MSH4: variants seen among roughly 807,000 people sequenced by gnomAD.
MSH4 encodes the protein mutS homolog 4.
A neutral mutation model predicts 113.7 loss-of-function variants in MSH4; 106 were observed. The observed-to-expected ratio is 0.93, with a 90% CI of 0.80 to 1.10. The LOEUF is 1.10. MSH4 is among the 50% of genes least tolerant of loss of function. The pLI is 0.00. For synonymous variants in MSH4, 368 were observed against 380.2 expected, an observed-to-expected ratio of 0.97 and a Z score of 0.37; for missense variants, 1,061 against 1,093.7, an observed-to-expected ratio of 0.97 and a Z score of 0.42.
intron 17 of MSH4, among the ~76,000 whole-genome samples, chr1:75,894,278 G>A (rs570922232): frequency 3.9e-5 from 6 of 152,300 alleles, no homozygotes; most frequent in African/African-American, 1.4e-4. Context: ...GTAATGGGAA[G>A]CAGAGTTAAA....
intron 7 of MSH4, among the ~76,000 whole-genome samples, chr1:75,840,930 A>G (rs1299993046): frequency 1.3e-5 from 2 of 152,182 alleles, no homozygotes; most frequent in South Asian, 2.1e-4. Context: ...GGATAAAGAC[A>G]GAATCCAGAT....
intron 7 of MSH4, among the ~76,000 whole-genome samples, chr1:75,846,622 G>A (rs994163418): frequency 6.6e-6 from 1 of 152,176 alleles, no homozygotes; most frequent in Non-Finnish European, 1.5e-5. Flanking sequence ...GTCCTCATCA[G>A]AATGGCCTTT....
intron 1 of MSH4, 46 bp downstream of exon 1, chr1:75,797,275 G>A (rs1649838163): frequency 5.1e-6 from 8 of 1,566,798 alleles, no homozygotes; most frequent in African/African-American, 1.3e-5. Context: ...CTAGAGGCCG[G>A]CAGTTCATGG....
chr1:75,810,557 A>G (rs1254189735), intron 3 of MSH4, 140 bp from the exon 4 acceptor site: 2 of 401,016 alleles, frequency 5.0e-6, no homozygotes, highest in Non-Finnish European at 8.8e-6. Context: ...GGCTAGAAAC[A>G]TATTTTAATT....
At chr1:75,885,053 G>GTATATATATATATATA (rs1440812710) in intron 15 of MSH4, among the ~76,000 whole-genome samples, 33 of 103,670 alleles carry the variant, frequency 3.2e-4, no homozygotes, top group African/African-American at 5.9e-4. Context: ...GTGTGTGTGT[G>GTATATATATATATATA]TGTGTGTATA....
intron 7 of MSH4, among the ~76,000 whole-genome samples, chr1:75,838,661 A>G (rs1269086169): frequency 2.6e-5 from 4 of 151,830 alleles, no homozygotes; most frequent in Non-Finnish European, 4.4e-5. Flanking sequence ...GATACTCTTC[A>G]CTCTCCATTT....
intron 9 of MSH4, 24 bp from the exon 10 acceptor site, chr1:75,876,912 C>A: frequency 7.3e-7 from 1 of 1,376,126 alleles, no homozygotes; most frequent in Non-Finnish European, 9.9e-7. Context: ...TTATCCTTAA[C>A]TTTTTTATTT....
chr1:75,888,184 C>A (rs555498377), intron 15 of MSH4, among the ~76,000 whole-genome samples: 2 of 151,168 alleles, frequency 1.3e-5, no homozygotes, highest in African/African-American at 4.9e-5. Flanking sequence ...CTATTCTTTA[C>A]CCTTTTTTTG....
chr1:75,822,664 A>G, intron 7 of MSH4, 83 bp downstream of exon 7: 1 of 722,432 alleles, frequency 1.4e-6, no homozygotes, highest in South Asian at 4.0e-5. Flanking sequence ...TTTCTGAAAG[A>G]CAAGTAGTGA....
chr1:75,903,526 C>T (rs1652556202), intron 19 of MSH4, among the ~76,000 whole-genome samples: 2 of 151,940 alleles, frequency 1.3e-5, no homozygotes. Flanking sequence ...TTTGTGGTTC[C>T]ATATAAATTT....
intron 6 of MSH4, among the ~76,000 whole-genome samples, chr1:75,818,347 A>C (rs1000847608): frequency 2.6e-5 from 4 of 152,118 alleles, no homozygotes; most frequent in Admixed American, 2.6e-4. Context: ...AAGCTCCACT[A>C]ACCTTGATCT....
intron 11 of MSH4, 142 bp downstream of exon 11, chr1:75,878,460 C>T (rs1488425991): frequency 6.1e-6 from 4 of 653,880 alleles, no homozygotes; most frequent in Non-Finnish European, 1.0e-5. Context: ...GCATGTAGTG[C>T]CATTTAAGGA....
chr1:75,859,388 T>G (rs1197944428), intron 8 of MSH4, among the ~76,000 whole-genome samples: 1 of 152,220 alleles, frequency 6.6e-6, no homozygotes, highest in African/African-American at 2.4e-5. Flanking sequence ...TGCTTTCTCC[T>G]GTGGGCATTT....
intron 15 of MSH4, 113 bp from the exon 16 acceptor site, chr1:75,889,138 C>T: frequency 1.8e-6 from 1 of 567,976 alleles, no homozygotes; most frequent in Non-Finnish European, 3.1e-6. Flanking sequence ...AATGCCATAT[C>T]TAGTGTTCTT....
At chr1:75,881,700 A>G (rs1570985453) in intron 14 of MSH4, among the ~76,000 whole-genome samples, 1 of 152,116 alleles carries the variant, frequency 6.6e-6, no homozygotes, top group Non-Finnish European at 1.5e-5. Flanking sequence ...AATACTTATT[A>G]GAAGCAGCGT....
chr1:75,842,215 G>T (rs1158348600), intron 7 of MSH4, among the ~76,000 whole-genome samples: 2 of 152,202 alleles, frequency 1.3e-5, no homozygotes, highest in Non-Finnish European at 2.9e-5. Context: ...ACCTGGGAAT[G>T]TTCAGGTTAA....
chr1:75,857,607 G>A (rs1185139222), intron 8 of MSH4, among the ~76,000 whole-genome samples: 1 of 152,096 alleles, frequency 6.6e-6, no homozygotes, highest in Non-Finnish European at 1.5e-5. Context: ...TACATGTGTG[G>A]TGTTATTTCT....
Position 75,810,256 on chromosome 1 carries a change from A to AT in MSH4, c.589-437dup, listed in dbSNP as rs573266440. Reference sequence around the variant, plus strand: ...GTTTGTTTGTCTGTTTTTGAGACAGATTTTCCCTCTGCCACCTAGACTGGC... The same window carrying AT: ...GTTTGTTTGTCTGTTTTTGAGACAGATTTTTCCCTCTGCCACCTAGACTGGC... On this transcript the variant is annotated intron_variant, in intron 3 of 19. Transcript: ENST00000263187. Among the ~76,000 whole-genome samples, 9 of 151,488 alleles carry AT rather than the reference A, an allele frequency of 5.9e-5. No homozygotes were observed. The South Asian group carries it at 1.7e-3, about 28-fold the overall frequency.
At chr1:75,840,972 C>A (rs957874932) in intron 7 of MSH4, among the ~76,000 whole-genome samples, 3 of 152,060 alleles carry the variant, frequency 2.0e-5, no homozygotes, top group Non-Finnish European at 4.4e-5. Context: ...TCAGCTTTGT[C>A]TTAAAAGAAG....
Sources: gnomAD v4.1 joint callset for allele counts (sites outside exome capture counted in the v4.1 genomes callset) on GRCh38, gnomAD v4.1.1 for gene constraint, MANE v1.5 for transcripts, NCBI Gene and HGNC (gene_info 2026-07-23, HGNC 2026-07-21) for gene names.